Variants in NDUFS6 observed in about 807,000 individuals in gnomAD.
NDUFS6 encodes NADH dehydrogenase [ubiquinone] iron-sulfur protein 6, mitochondrial.
Under a neutral mutation model 13.2 loss-of-function variants are expected in NDUFS6, and 14 were observed. That is an observed-to-expected ratio of 1.06 (90% CI 0.70 to 1.66). The LOEUF (loss-of-function observed/expected upper bound fraction) is 1.66, where lower values mean the gene tolerates loss of function less well. NDUFS6 is among the 40% of genes most tolerant of loss of function. The probability of loss-of-function intolerance (pLI) is 0.00; values close to 1 mark genes in which losing one functional copy is unlikely to be tolerated. For missense variants in NDUFS6, 206 were observed against 170.8 expected, an observed-to-expected ratio of 1.21 and a Z score of -1.15; for synonymous variants, 95 against 72.3, an observed-to-expected ratio of 1.31 and a Z score of -1.60.
chr5:1,801,455 G>C lies in NDUFS6; in HGVS notation c.38G>C (p.Arg13Pro). 6.2e-7 allele frequency: 1 copy of C among 1,604,816 alleles called. No individual in the cohort carries two copies. The highest frequency in any genetic ancestry group is 1.1e-5 in the South Asian group (1 of 90,846). The stretch of plus-strand genomic sequence containing the variant: ...ATGACCTTCTGCCGGCTGCTGAACC[G>C]GTGTGGCGAGGCGGCGCGGAGCCTG... ...AAMTFCRLLN[R>P]CGEAARSLPL... Residue 13 changes from arginine to proline, a missense_variant, in exon 1 of 4, where the codon CGG (arginine) becomes CCG (proline). Arg to Pro is a moderately radical substitution (Grantham distance 103). Transcript: ENST00000274137.
At chr5:1,802,244 A>G in intron 1 of NDUFS6, 77 bp from the exon 2 acceptor site, 1 of 1,331,808 alleles carries the variant, frequency 7.5e-7, no homozygotes, top group Non-Finnish European at 1.1e-6. Flanking sequence ...ACTTTCCTGT[A>G]ATATTTATGA....
chr5:1,802,182 G>C, intron 1 of NDUFS6, 139 bp from the exon 2 acceptor site: 1 of 766,284 alleles, frequency 1.3e-6, no homozygotes, highest in Non-Finnish European at 2.2e-6. Context: ...ATTACACCGA[G>C]TACTGTGCAC....
chr5:1,802,282 G>A (rs553933903), intron 1 of NDUFS6, 39 bp from the exon 2 acceptor site: 3 of 1,547,734 alleles, frequency 1.9e-6, no homozygotes, highest in Non-Finnish European at 2.7e-6. Flanking sequence ...TCAGAATTAG[G>A]CCGTAAAAGT....
intron 2 of NDUFS6, among the ~76,000 whole-genome samples, chr5:1,807,023 G>A (rs138096504): frequency 5.3e-5 from 8 of 151,872 alleles, no homozygotes; most frequent in Admixed American, 4.6e-4. Flanking sequence ...AGGACGTTGC[G>A]CTCAGTGAAG....
At position 1,815,980 on chromosome 5, in the gene NDUFS6, G is replaced by A. The variant is rs535005114; in HGVS notation, c.*64G>A. 26 of 1,550,658 alleles carry A rather than the reference G, an allele frequency of 1.7e-5. No individual in the cohort carries two copies. The highest frequency in any genetic ancestry group is 2.2e-5 in the East Asian group (1 of 44,598). ...GCATTTCCGCGGGGAAGCTGAGCAC[G>A]TGAAGCTCGCTGGTTCTGTGCGAAG... On this transcript the variant is annotated 3_prime_UTR_variant, in exon 4 of 4. Coordinates refer to ENST00000274137, the MANE Select transcript of NDUFS6 (RefSeq NM_004553.6).
At chr5:1,811,987 T>C (rs1579216824) in intron 2 of NDUFS6, among the ~76,000 whole-genome samples, 1 of 152,228 alleles carries the variant, frequency 6.6e-6, no homozygotes, top group African/African-American at 2.4e-5. Context: ...AAGAAATACT[T>C]GATTCTTTCC....
chr5:1,812,031 TA>T (rs1326735454), intron 2 of NDUFS6, among the ~76,000 whole-genome samples: 1 of 152,252 alleles, frequency 6.6e-6, no homozygotes, highest in Admixed American at 6.5e-5. Context: ...GTTGATTCTC[TA>T]GTTTCTGTTT....
At chr5:1,807,762 C>T (rs2111353520) in intron 2 of NDUFS6, among the ~76,000 whole-genome samples, 1 of 152,336 alleles carries the variant, frequency 6.6e-6, no homozygotes, top group South Asian at 2.1e-4. Flanking sequence ...CGCAGCACCA[C>T]CCGAACCATG....
intron 2 of NDUFS6, among the ~76,000 whole-genome samples, chr5:1,805,947 C>T (rs936879973): frequency 3.9e-4 from 59 of 152,252 alleles, no homozygotes; most frequent in African/African-American, 1.4e-3. Flanking sequence ...CTTGTAGGCT[C>T]GTGGGCACTG....
In NDUFS6 at chr5:1,802,222, G is replaced by A. The variant is rs58387166; in HGVS notation, c.133-99G>A. 11 of 1,206,504 alleles carry A rather than the reference G, an allele frequency of 9.1e-6. No homozygotes were observed. The East Asian group carries it at 1.7e-4, about 18-fold the overall frequency. 74.7% of individuals were successfully genotyped at this position (1,206,504 alleles called of 1,614,324 possible). ...TTGACTTTTCATCAATGGCCTAAAAGTTAAGAAAAACACTTTCCTGTAATA... is the reference window on the plus strand; with the variant it reads ...TTGACTTTTCATCAATGGCCTAAAAATTAAGAAAAACACTTTCCTGTAATA... On this transcript the variant is annotated intron_variant, in intron 1 of 3. Transcript: ENST00000274137.
intron 2 of NDUFS6, 137 bp downstream of exon 2, chr5:1,802,511 C>T (rs1351302736): frequency 3.2e-5 from 21 of 654,042 alleles, no homozygotes; most frequent in Non-Finnish European, 5.2e-5. Flanking sequence ...GGATGGGGTT[C>T]TTCCTTTCTT....
intron 2 of NDUFS6, among the ~76,000 whole-genome samples, chr5:1,811,174 A>C (rs187220272): frequency 6.6e-6 from 1 of 152,256 alleles, no homozygotes; most frequent in Non-Finnish European, 1.5e-5. Context: ...ATATATGTTA[A>C]TCGACCATTT....
At chr5:1,813,797 G>A (rs1734258995) in intron 2 of NDUFS6, among the ~76,000 whole-genome samples, 1 of 152,218 alleles carries the variant, frequency 6.6e-6, no homozygotes, top group African/African-American at 2.4e-5. Flanking sequence ...CGGCATTCAG[G>A]ACCTCTGTGG....
At chr5:1,815,409 G>A (rs1436050972) in intron 3 of NDUFS6, among the ~76,000 whole-genome samples, 4 of 152,244 alleles carry the variant, frequency 2.6e-5, no homozygotes, top group African/African-American at 9.6e-5. Context: ...ATTAAAAGCT[G>A]TCATTATCTT....
Position 1,815,836 on chromosome 5 carries a change from T to C in NDUFS6, c.310-15T>C, listed in dbSNP as rs10058270. 71,656 of 1,613,510 alleles carry C rather than the reference T, an allele frequency of 0.044. 4,591 individuals are homozygous for C. Among genetic ancestry groups the C allele is most frequent in the African/African-American group, 0.3 (22,643 of 74,882 alleles). On this transcript the variant is annotated splice_polypyrimidine_tract_variant and intron_variant, in intron 3 of 3. Transcript: ENST00000274137. ...AATATGGAAATATGACATCATTCCT[T>C]TTGAATTTTTTCAGGACAAAGAAAC...
At position 1,801,901 on chromosome 5, in the gene NDUFS6, G is replaced by A. The variant is rs111992357; in HGVS notation, c.132+352G>A. 1.9e-3 allele frequency among the ~76,000 whole-genome samples: 284 copies of A among 152,368 alleles called. 5 individuals are homozygous for A. Among genetic ancestry groups the A allele is most frequent in the African/African-American group, 6.4e-3 (267 of 41,582 alleles). The stretch of plus-strand genomic sequence containing the variant: ...ATTCAATAATAAATTTTAGTAACCT[G>A]AGAAGTCGGTTGTAGTCCAAGGCAC... On this transcript the variant is annotated intron_variant, in intron 1 of 3. Coordinates refer to ENST00000274137, the MANE Select transcript of NDUFS6 (RefSeq NM_004553.6).
intron 1 of NDUFS6, chr5:1,802,045 C>A (rs1579937389): frequency 4.2e-6 from 2 of 473,412 alleles, no homozygotes; most frequent in East Asian, 7.9e-5. Context: ...AGGTTGGGGG[C>A]GGTTCTCCTC....
At chr5:1,810,455 C>T (rs1734201117) in intron 2 of NDUFS6, among the ~76,000 whole-genome samples, 1 of 152,176 alleles carries the variant, frequency 6.6e-6, no homozygotes, top group Non-Finnish European at 1.5e-5. Context: ...TGACTGTTCC[C>T]AGGGGCAGCT....
chr5:1,805,827 G>A (rs115970324), intron 2 of NDUFS6, among the ~76,000 whole-genome samples: 1,953 of 152,298 alleles, frequency 0.013, 38 homozygotes, highest in African/African-American at 0.043. Context: ...GGTACTTGGC[G>A]ACATCATTTG....
Sources: gnomAD v4.1 joint callset for allele counts (sites outside exome capture counted in the v4.1 genomes callset) on GRCh38, gnomAD v4.1.1 for gene constraint, MANE v1.5 for transcripts, NCBI Gene and HGNC (gene_info 2026-07-23, HGNC 2026-07-21) for gene names.